Variants in GALNT17 observed in about 807,000 individuals in gnomAD.
GALNT17 encodes polypeptide N-acetylgalactosaminyltransferase 17.
GALNT17 carries 29 observed loss-of-function variants against 63.7 expected under a neutral mutation model. That is an observed-to-expected ratio of 0.46 (90% confidence interval 0.34 to 0.62). The LOEUF (loss-of-function observed/expected upper bound fraction) is 0.62, where lower values mean the gene tolerates loss of function less well. GALNT17 is among the 20% of genes least tolerant of loss of function. GALNT17 has a pLI of 0.01. For missense variants in GALNT17, 603 were observed against 799.6 expected, an observed-to-expected ratio of 0.75 and a Z score of 2.97; for synonymous variants, 305 against 318.3, an observed-to-expected ratio of 0.96 and a Z score of 0.45.
chr7:71,145,423 G>A (rs534703950), intron 1 of GALNT17, among the ~76,000 whole-genome samples: 12 of 152,250 alleles, frequency 7.9e-5, no homozygotes, highest in African/African-American at 1.9e-4. Flanking sequence ...TTTTGAGCCC[G>A]GGAGTTTGAG....
intron 5 of GALNT17, among the ~76,000 whole-genome samples, chr7:71,545,935 G>C (rs1191507216): frequency 6.6e-6 from 1 of 152,050 alleles, no homozygotes; most frequent in African/African-American, 2.4e-5. Context: ...ACATTTCTAG[G>C]CTTGCTGTTT....
Position 71,657,849 on chromosome 7 carries a change from TATGGATGGATGGATGG to T in GALNT17, c.1081-7521_1081-7506del, listed in dbSNP as rs56699781. On this transcript the variant is annotated intron_variant, in intron 6 of 10. Transcript: ENST00000333538. Reference sequence around the variant, plus strand: ...AGGTGTTTGCAATTTTATTTCATTTTATGGATGGATGGATGGATGGATGGATGGATGGATGGATGGA... The same window carrying T: ...AGGTGTTTGCAATTTTATTTCATTTTATGGATGGATGGATGGATGGATGGA... Among the ~76,000 whole-genome samples, 730 of 125,146 alleles carry T rather than the reference TATGGATGGATGGATGG, an allele frequency of 5.8e-3. 16 individuals are homozygous for T. Among genetic ancestry groups the T allele is most frequent in the African/African-American group, 0.018 (674 of 36,878 alleles). The allele number at this position is 125,146 out of a possible 152,430, so 82.1% of individuals were successfully genotyped here.
intron 1 of GALNT17, among the ~76,000 whole-genome samples, chr7:71,232,677 C>T (rs370809792): frequency 6.6e-6 from 1 of 152,174 alleles, no homozygotes; most frequent in Non-Finnish European, 1.5e-5. Flanking sequence ...CAGAGCAGGG[C>T]TGCCCCATAG....
intron 1 of GALNT17, among the ~76,000 whole-genome samples, chr7:71,149,248 C>T (rs1018658724): frequency 3.3e-5 from 5 of 152,104 alleles, no homozygotes; most frequent in Non-Finnish European, 5.9e-5. Flanking sequence ...TGAACATCAA[C>T]CACATATCAA....
intron 9 of GALNT17, among the ~76,000 whole-genome samples, chr7:71,681,913 TTTTG>T (rs1163465143): frequency 6.6e-6 from 1 of 151,916 alleles, no homozygotes; most frequent in African/African-American, 2.4e-5. Context: ...TTTGTTTTTG[TTTTG>T]TTTTTGTTTG....
intron 1 of GALNT17, among the ~76,000 whole-genome samples, chr7:71,296,948 A>G (rs1583838866): frequency 6.6e-6 from 1 of 152,318 alleles, no homozygotes; most frequent in African/African-American, 2.4e-5. Flanking sequence ...TTCAGGCTAT[A>G]GAAGTTGAAG....
intron 6 of GALNT17, among the ~76,000 whole-genome samples, chr7:71,572,867 A>G (rs1162901042): frequency 6.6e-6 from 1 of 152,074 alleles, no homozygotes; most frequent in African/African-American, 2.4e-5. Flanking sequence ...GGCTGTCCCC[A>G]ATCCCTAAAG....
intron 2 of GALNT17, among the ~76,000 whole-genome samples, chr7:71,377,681 C>G (rs1036162635): frequency 6.6e-6 from 1 of 152,176 alleles, no homozygotes; most frequent in Non-Finnish European, 1.5e-5. Context: ...ATCGTAATCC[C>G]CATGTGTCAA....
chr7:71,238,730 G>C (rs1235076457), intron 1 of GALNT17, among the ~76,000 whole-genome samples: 1 of 152,194 alleles, frequency 6.6e-6, no homozygotes, highest in Non-Finnish European at 1.5e-5. Flanking sequence ...CTGTCTGGTG[G>C]CCCCGTGGGG....
intron 2 of GALNT17, among the ~76,000 whole-genome samples, chr7:71,370,155 G>T (rs1792594984): frequency 6.6e-6 from 1 of 152,190 alleles, no homozygotes; most frequent in South Asian, 2.1e-4. Context: ...GTAAACAGCA[G>T]TTCTATAACC....
chr7:71,321,497 G>A (rs1791604330), intron 1 of GALNT17, among the ~76,000 whole-genome samples: 1 of 152,214 alleles, frequency 6.6e-6, no homozygotes, highest in Non-Finnish European at 1.5e-5. Context: ...AAATCTGAGA[G>A]AGCATTGCCT....
chr7:71,503,032 T>C (rs1652130059), intron 5 of GALNT17, among the ~76,000 whole-genome samples: 1 of 152,132 alleles, frequency 6.6e-6, no homozygotes, highest in South Asian at 2.1e-4. Flanking sequence ...GATTCCTTGG[T>C]ATCCACTGTA....
At chr7:71,178,451 T>C (rs1636482) in intron 1 of GALNT17, among the ~76,000 whole-genome samples, 43,499 of 151,976 alleles carry the variant, frequency 0.29, 10,783 homozygotes, top group African/African-American at 0.67. Flanking sequence ...ATCTGTAAGT[T>C]GTAGGCCTAT....
chr7:71,287,551 A>G (rs1242542785), intron 1 of GALNT17, among the ~76,000 whole-genome samples: 1 of 152,166 alleles, frequency 6.6e-6, no homozygotes, highest in Non-Finnish European at 1.5e-5. Context: ...CCCTTTAACA[A>G]TGCAGGGGTT....
intron 9 of GALNT17, among the ~76,000 whole-genome samples, chr7:71,686,642 T>C (rs1791363704): frequency 1.3e-5 from 2 of 151,744 alleles, no homozygotes; most frequent in Non-Finnish European, 2.9e-5. Flanking sequence ...CGCCCACCGC[T>C]GCCTCCCAAA....
intron 1 of GALNT17, among the ~76,000 whole-genome samples, chr7:71,249,317 G>A (rs1282433844): frequency 2.0e-5 from 3 of 151,594 alleles, no homozygotes; most frequent in African/African-American, 2.4e-5. Context: ...TTTTTCTCTC[G>A]TTAATTTTGG....
At chr7:71,521,326 A>G (rs1468136126) in intron 5 of GALNT17, among the ~76,000 whole-genome samples, 1 of 152,074 alleles carries the variant, frequency 6.6e-6, no homozygotes, top group African/African-American at 2.4e-5. Context: ...TGGACACAGC[A>G]GCCAGGTCTG....
At position 71,262,827 on chromosome 7, in the gene GALNT17, C is replaced by G. The variant is rs1050521947; in HGVS notation, c.239-72723C>G. Among the ~76,000 whole-genome samples, 18 of 151,676 alleles carry G rather than the reference C, an allele frequency of 1.2e-4. 2 individuals are homozygous for G. Among genetic ancestry groups the G allele is most frequent in the Admixed American group, 1.1e-3 (16 of 15,230 alleles). ...CCCCAAGTAGCTGGGACCACAGGCA[C>G]GAGCCACCAAGCCCAGCTAATTTTT... On this transcript the variant is annotated intron_variant, in intron 1 of 10. Transcript: ENST00000333538.
intron 6 of GALNT17, among the ~76,000 whole-genome samples, chr7:71,590,265 TATC>T (rs1471399837): frequency 2.0e-5 from 3 of 152,222 alleles, no homozygotes; most frequent in South Asian, 4.1e-4. Flanking sequence ...TGAAATGTAT[TATC>T]ATAATAGCCA....
Sources: allele counts gnomAD v4.1 joint callset (sites outside exome capture counted in the v4.1 genomes callset), GRCh38; gene constraint gnomAD v4.1.1; transcripts MANE v1.5; gene names NCBI Gene and HGNC (gene_info 2026-07-23, HGNC 2026-07-21).